The following PLCXD3 variants were observed in gnomAD, a reference collection of about 807,000 sequenced individuals.
PLCXD3 encodes phosphatidylinositol specific phospholipase C X domain containing 3, also known as PI-PLC X domain-containing protein 3.
PLCXD3 carries 19 observed loss-of-function variants against 25.5 expected under a neutral mutation model. The ratio of observed to expected loss-of-function variants is 0.75; its 90% CI spans 0.52 to 1.09. The LOEUF (loss-of-function observed/expected upper bound fraction) is 1.09. Ranked by LOEUF, PLCXD3 falls within the 50% of genes least tolerant of loss-of-function variation. PLCXD3 has a pLI of 0.00. For synonymous variants in PLCXD3, 174 were observed against 137.6 expected (o/e 1.26, Z -1.85); for missense variants, 411 against 388.1 (o/e 1.06, Z -0.50).
At chr5:41,332,298 C>T (rs1743840389) in intron 2 of PLCXD3, among the ~76,000 whole-genome samples, 1 of 152,136 alleles carries the variant, frequency 6.6e-6, no homozygotes, top group Admixed American at 6.5e-5. Flanking sequence ...TGAACAGATA[C>T]TTCTCAAAAG....
intron 1 of PLCXD3, among the ~76,000 whole-genome samples, chr5:41,459,320 A>AT (rs1747822958): frequency 6.6e-6 from 1 of 151,884 alleles, no homozygotes; most frequent in African/African-American, 2.4e-5. Flanking sequence ...CAGAAATGTT[A>AT]TTTTAAAAAA....
intron 2 of PLCXD3, among the ~76,000 whole-genome samples, chr5:41,356,664 T>C (rs560225784): frequency 1.3e-5 from 2 of 152,324 alleles, no homozygotes; most frequent in East Asian, 3.9e-4. Context: ...TTACAGAATA[T>C]CATATCTGAA....
At chr5:41,426,453 T>C (rs905958609) in intron 1 of PLCXD3, among the ~76,000 whole-genome samples, 9 of 152,096 alleles carry the variant, frequency 5.9e-5, no homozygotes, top group African/African-American at 1.7e-4. Context: ...CCTGCTTTAT[T>C]TCTCTTTTTT....
chr5:41,472,887 T>C (rs186029366), intron 1 of PLCXD3, among the ~76,000 whole-genome samples: 1 of 152,298 alleles, frequency 6.6e-6, no homozygotes, highest in Admixed American at 6.5e-5. Flanking sequence ...TTTTACCTCA[T>C]ATAAGGAACA....
At chr5:41,338,062 T>C (rs1744034064) in intron 2 of PLCXD3, among the ~76,000 whole-genome samples, 2 of 152,156 alleles carry the variant, frequency 1.3e-5, no homozygotes, top group African/African-American at 4.8e-5. Context: ...TAATTTGTAA[T>C]ACATTCTCCC....
At chr5:41,437,861 AAG>A (rs1374061222) in intron 1 of PLCXD3, among the ~76,000 whole-genome samples, 16 of 152,286 alleles carry the variant, frequency 1.1e-4, no homozygotes, top group African/African-American at 3.4e-4. Context: ...AGGCTGGAAA[AAG>A]GGAGGCTAAC....
chr5:41,393,311 A>G (rs1023155251), intron 1 of PLCXD3, among the ~76,000 whole-genome samples: 4 of 152,174 alleles, frequency 2.6e-5, no homozygotes, highest in African/African-American at 4.8e-5. Flanking sequence ...GGATCCTAAA[A>G]GTACCAAGAA....
intron 1 of PLCXD3, among the ~76,000 whole-genome samples, chr5:41,393,018 A>G (rs749945361): frequency 1.6e-4 from 24 of 152,190 alleles, no homozygotes; most frequent in Non-Finnish European, 3.4e-4. Flanking sequence ...GTGTACAGCC[A>G]GAGGAGAAAA....
intron 2 of PLCXD3, among the ~76,000 whole-genome samples, chr5:41,379,452 A>G (rs997450973): frequency 1.3e-5 from 2 of 152,116 alleles, no homozygotes; most frequent in Non-Finnish European, 2.9e-5. Context: ...AGAGGTGACT[A>G]GTTAGGCAAA....
At chr5:41,361,183 G>T (rs1260966983) in intron 2 of PLCXD3, among the ~76,000 whole-genome samples, 1 of 152,076 alleles carries the variant, frequency 6.6e-6, no homozygotes, top group African/African-American at 2.4e-5. Context: ...GGAAGTGGGG[G>T]AAAGCTGGCA....
Position 41,381,956 on chromosome 5 carries a change from A to G in PLCXD3, c.682T>C (p.Phe228Leu). The G allele has an allele frequency of 6.2e-7, 1 of 1,613,112 alleles. No individual in the cohort carries two copies. Among genetic ancestry groups the G allele is most frequent in the African/African-American group, 1.3e-5 (1 of 74,830 alleles). ...CTCTCAGTGATGGATGCTTGAAGAA[A>G]CTGGATCAGTTTCTCGGGGTCTGTG... Reference protein sequence around the residue: ...NTTDPEKLIQFLQASITERRK... With the variant: ...NTTDPEKLIQLLQASITERRK... Residue 228 changes from phenylalanine (F) to leucine (L), a missense_variant, in exon 2 of 3, where the codon TTT becomes CTT. By Grantham distance (22) the Phe-to-Leu change is conservative. Coordinates refer to ENST00000377801, the MANE Select transcript of PLCXD3 (RefSeq NM_001005473.3).
At chr5:41,417,525 C>G (rs911510917) in intron 1 of PLCXD3, among the ~76,000 whole-genome samples, 1 of 152,200 alleles carries the variant, frequency 6.6e-6, no homozygotes, top group African/African-American at 2.4e-5. Flanking sequence ...ACTGAAGAAT[C>G]AGTAGAAGCA....
At chr5:41,389,190 A>G (rs940625383) in intron 1 of PLCXD3, among the ~76,000 whole-genome samples, 1 of 152,064 alleles carries the variant, frequency 6.6e-6, no homozygotes, top group African/African-American at 2.4e-5. Context: ...TGTGCTGGTG[A>G]TTTGAGATAT....
intron 1 of PLCXD3, among the ~76,000 whole-genome samples, chr5:41,487,096 T>G (rs1217748584): frequency 6.6e-6 from 1 of 152,188 alleles, no homozygotes; most frequent in East Asian, 1.9e-4. Flanking sequence ...TTTATTATGA[T>G]TAGTAATCAT....
intron 1 of PLCXD3, among the ~76,000 whole-genome samples, chr5:41,415,004 C>G (rs921988237): frequency 5.9e-5 from 9 of 152,124 alleles, no homozygotes; most frequent in African/African-American, 1.9e-4. Context: ...CTTATTGTGT[C>G]TCATTTATAA....
intron 1 of PLCXD3, among the ~76,000 whole-genome samples, chr5:41,492,400 AC>A (rs1165441809): frequency 6.6e-6 from 1 of 151,882 alleles, no homozygotes; most frequent in Admixed American, 6.6e-5. Context: ...GGTGAATCTG[AC>A]AATTATGTGT....
chr5:41,411,846 C>T (rs1364230243), intron 1 of PLCXD3, among the ~76,000 whole-genome samples: 2 of 114,434 alleles, frequency 1.7e-5, no homozygotes, highest in Admixed American at 8.4e-5. Context: ...ATATATATCT[C>T]CATATATATG....
intron 1 of PLCXD3, chr5:41,475,676 G>C (rs1208408587): frequency 1.9e-6 from 1 of 534,612 alleles, no homozygotes; most frequent in African/African-American, 1.9e-5. Flanking sequence ...GTGGCTGTCT[G>C]CCACAAGTAC....
rs1743902082 is a variant in PLCXD3, at chr5:41,333,800, A to G, written c.813-20030T>C. ...ATGTCCTTCATTATGTATTTTCAGA[A>G]CTAATTTATTATAACTATTTAGGTG... On this transcript the variant is annotated intron_variant, in intron 2 of 2. Coordinates refer to ENST00000377801, the MANE Select transcript of PLCXD3 (RefSeq NM_001005473.3). Among the ~76,000 whole-genome samples the G allele has an allele frequency of 2.0e-5, 3 of 152,168 alleles. No homozygotes were observed. In the South Asian group the frequency reaches 6.2e-4, roughly 31 times the overall value.
Sources: gnomAD v4.1 joint callset for allele counts (sites outside exome capture counted in the v4.1 genomes callset) on GRCh38, gnomAD v4.1.1 for gene constraint, MANE v1.5 for transcripts, NCBI Gene and HGNC (gene_info 2026-07-23, HGNC 2026-07-21) for gene names.